The following CD6 variants were observed in gnomAD, a reference collection of about 807,000 sequenced individuals.
CD6 encodes the protein CD6 molecule, also known as T-cell differentiation antigen CD6.
CD6 carries 53 observed loss-of-function variants against 75.3 expected under a neutral mutation model. The observed-to-expected ratio is 0.70, with a 90% CI of 0.56 to 0.88. CD6 has a LOEUF of 0.88. CD6 is among the 40% of genes least tolerant of loss of function. The pLI, the probability that CD6 is intolerant of heterozygous loss-of-function variation, is 0.00. For missense variants in CD6, 770 were observed against 897.1 expected, an observed-to-expected ratio of 0.86 and a Z score of 1.81; for synonymous variants, 359 against 381.5, an observed-to-expected ratio of 0.94 and a Z score of 0.69.
chr11:61,018,343 A>T lies in CD6; in HGVS notation c.1892A>T (p.Asn631Ile), dbSNP rs1244458634. 1 of 1,607,892 alleles carries T rather than the reference A, an allele frequency of 6.2e-7. No homozygotes were observed. Residue 631 changes from asparagine (N) to isoleucine (I), a missense_variant, in exon 12 of 13, where the codon AAC (asparagine) becomes ATC (isoleucine). By Grantham distance (149) the Asn-to-Ile change is moderately radical. Coordinates refer to ENST00000313421, the MANE Select transcript of CD6 (RefSeq NM_006725.5). The part of the protein sequence containing the change: ...SSTSSGEWYQ[N>I]FQPPPQPPSE... ...ACCTCATCCGGGGAGTGGTACCAGA[A>T]CTTCCAGCCACCACCCCAGCCCCCT...
At chr11:61,014,449 T>C (rs1454395042) in intron 8 of CD6, among the ~76,000 whole-genome samples, 1 of 152,150 alleles carries the variant, frequency 6.6e-6, no homozygotes, top group Non-Finnish European at 1.5e-5. Flanking sequence ...AAAAAACAAA[T>C]TGGGGCTGGG....
intron 1 of CD6, among the ~76,000 whole-genome samples, chr11:60,980,841 A>G (rs1018526917): frequency 1.3e-5 from 2 of 152,134 alleles, no homozygotes; most frequent in Non-Finnish European, 2.9e-5. Context: ...CTCTGTTTCA[A>G]AATAATTAAT....
At chr11:60,990,385 C>T (rs2905510) in intron 1 of CD6, among the ~76,000 whole-genome samples, 69,956 of 151,862 alleles carry the variant, frequency 0.46, 18,633 homozygotes, top group East Asian at 0.88. Flanking sequence ...CCACCACACC[C>T]GGCTAATTTT....
At chr11:60,986,288 G>C (rs930214892) in intron 1 of CD6, among the ~76,000 whole-genome samples, 1 of 152,228 alleles carries the variant, frequency 6.6e-6, no homozygotes, top group Non-Finnish European at 1.5e-5. Context: ...TTTTGAGTCT[G>C]TGGAGCGTCA....
chr11:60,985,739 CT>C (rs981336450), intron 1 of CD6, among the ~76,000 whole-genome samples: 1 of 152,158 alleles, frequency 6.6e-6, no homozygotes, highest in Non-Finnish European at 1.5e-5. Context: ...AGGCAGGTTG[CT>C]TGAGCCCAGG....
chr11:61,009,442 C>A, intron 4 of CD6, 130 bp from the exon 5 acceptor site: 1 of 816,296 alleles, frequency 1.2e-6, no homozygotes, highest in Non-Finnish European at 1.9e-6. Flanking sequence ...GACACAGACA[C>A]AGGAGGGAGA....
At chr11:60,997,422 A>G (rs1265531503) in intron 1 of CD6, among the ~76,000 whole-genome samples, 1 of 150,866 alleles carries the variant, frequency 6.6e-6, no homozygotes, top group Non-Finnish European at 1.5e-5. Flanking sequence ...AATAATAAAT[A>G]AATAAATTTT....
chr11:60,975,914 TATG>T (rs1376272738), intron 1 of CD6, among the ~76,000 whole-genome samples: 3 of 152,354 alleles, frequency 2.0e-5, no homozygotes, highest in African/African-American at 7.2e-5. Flanking sequence ...CATTTATAAA[TATG>T]ATGAATTCCA....
chr11:61,015,594 G>A (rs1840087211), intron 8 of CD6, 119 bp from the exon 9 acceptor site: 2 of 1,177,402 alleles, frequency 1.7e-6, no homozygotes, highest in Non-Finnish European at 2.4e-6. Context: ...AAAAAAAGGG[G>A]GCTACTTGGT....
At chr11:61,015,162 G>A (rs11230570) in intron 8 of CD6, among the ~76,000 whole-genome samples, 19,377 of 152,260 alleles carry the variant, frequency 0.13, 1,689 homozygotes, top group Non-Finnish European at 0.19. Context: ...TGTTAGAATA[G>A]TGCCTCACAT....
At chr11:61,017,313 A>G in intron 9 of CD6, 166 bp from the exon 10 acceptor site, 1 of 629,058 alleles carries the variant, frequency 1.6e-6, no homozygotes, top group Non-Finnish European at 2.9e-6. Context: ...CTGGATTGGG[A>G]TATGAACCTG....
chr11:60,990,202 T>G (rs529643340), intron 1 of CD6, among the ~76,000 whole-genome samples: 8 of 152,306 alleles, frequency 5.3e-5, no homozygotes, highest in Non-Finnish European at 1.0e-4. Context: ...CATACAGAAA[T>G]GCATTGAGAA....
At position 61,000,932 on chromosome 11, in the gene CD6, T is replaced by G. The variant is rs184965666; in HGVS notation, c.50-5642T>G. On this transcript the variant is annotated intron_variant, in intron 1 of 12. Coordinates refer to ENST00000313421, the MANE Select transcript of CD6 (RefSeq NM_006725.5). Reference sequence around the variant, plus strand: ...TGAAAAAGCCGCCTCCTTCCTGGGCTGGGGTCGGCACTCCCAACCTCTTTC... The same window carrying G: ...TGAAAAAGCCGCCTCCTTCCTGGGCGGGGGTCGGCACTCCCAACCTCTTTC... Among the ~76,000 whole-genome samples, 20 of 152,254 alleles carry G rather than the reference T, an allele frequency of 1.3e-4. No individual in the cohort carries two copies. The East Asian group carries it at 3.7e-3, about 28-fold the overall frequency.
At chr11:61,005,430 C>T (rs1361352868) in intron 1 of CD6, among the ~76,000 whole-genome samples, 1 of 152,192 alleles carries the variant, frequency 6.6e-6, no homozygotes, top group Admixed American at 6.5e-5. Context: ...GCTAAGGCTC[C>T]CCATTGGCTG....
rs143516194 is a variant in CD6 at position 61,012,360 on chromosome 11, C to T, written c.1151-1063C>T. Among the ~76,000 whole-genome samples, 902 of 152,308 alleles carry T rather than the reference C, an allele frequency of 5.9e-3. 5 individuals are homozygous for T. The highest frequency in any genetic ancestry group is 0.011 in the Non-Finnish European group (723 of 68,012). ...CATCAGCCCCTCCCTCGGCCACGGCCCTCTGTACCCACATTCACGGGTCTC... is the reference window on the plus strand; with the variant it reads ...CATCAGCCCCTCCCTCGGCCACGGCTCTCTGTACCCACATTCACGGGTCTC... On this transcript the variant is annotated intron_variant, in intron 6 of 12. Transcript: ENST00000313421.
rs774206247 is a variant in CD6, at chr11:61,011,065, G to C, written c.1085-5G>C. On this transcript the variant is annotated splice_polypyrimidine_tract_variant and splice_region_variant and intron_variant, in intron 5 of 12. Coordinates refer to ENST00000313421, the MANE Select transcript of CD6 (RefSeq NM_006725.5). ...ATTGAGTGACTGGGCGGTGCTTTCT[G>C]ACAGCTTCCCGGAGTTTGCACAATC... 1 of 1,614,052 alleles carries C rather than the reference G, an allele frequency of 6.2e-7. No homozygotes were observed. The highest frequency in any genetic ancestry group is 8.5e-7 in the Non-Finnish European group (1 of 1,179,942).
chr11:60,995,172 T>C (rs935335050), intron 1 of CD6, among the ~76,000 whole-genome samples: 1 of 151,550 alleles, frequency 6.6e-6, no homozygotes, highest in East Asian at 1.9e-4. Context: ...TGAAATGAAG[T>C]CTTGCTCTGT....
chr11:61,005,590 A>G (rs1042315837), intron 1 of CD6, among the ~76,000 whole-genome samples: 9 of 152,186 alleles, frequency 5.9e-5, no homozygotes, highest in Non-Finnish European at 1.2e-4. Flanking sequence ...TCCTTTTCCT[A>G]ATCTGTAAAA....
intron 1 of CD6, among the ~76,000 whole-genome samples, chr11:60,979,535 C>G (rs1857488491): frequency 6.6e-6 from 1 of 151,722 alleles, no homozygotes; most frequent in South Asian, 2.1e-4. Flanking sequence ...GCTGCGATCT[C>G]AGCTCACTGC....
Sources: allele counts gnomAD v4.1 joint callset (sites outside exome capture counted in the v4.1 genomes callset), GRCh38; gene constraint gnomAD v4.1.1; transcripts MANE v1.5; gene names NCBI Gene and HGNC (gene_info 2026-07-23, HGNC 2026-07-21).